ANKS1B: variants seen among roughly 807,000 people sequenced by gnomAD.
ANKS1B encodes the protein ankyrin repeat and sterile alpha motif domain containing 1B, also known as ankyrin repeat and sterile alpha motif domain-containing protein 1B.
In ANKS1B, 36 loss-of-function variants were observed where a neutral mutation model predicts 148.3. The observed-to-expected ratio is 0.24, with a 90% CI of 0.19 to 0.32. The LOEUF (loss-of-function observed/expected upper bound fraction) is 0.32. Among genes scored for constraint, ANKS1B ranks in the 10% least tolerant of loss-of-function variants. The probability of loss-of-function intolerance (pLI) is 1.00; values close to 1 mark genes in which losing one functional copy is unlikely to be tolerated. For synonymous variants in ANKS1B, 542 were observed against 560.8 expected (o/e 0.97, Z 0.47); for missense variants, 1,157 against 1,542.6 (o/e 0.75, Z 4.19).
chr12:99,464,715 A>G (rs2096065031), intron 10 of ANKS1B, among the ~76,000 whole-genome samples: 1 of 152,218 alleles, frequency 6.6e-6, no homozygotes, highest in Non-Finnish European at 1.5e-5. Context: ...AAATGAATGA[A>G]ATGAAGCCAG....
chr12:99,040,075 C>A (rs893211791), intron 17 of ANKS1B, among the ~76,000 whole-genome samples: 3 of 152,134 alleles, frequency 2.0e-5, no homozygotes, highest in African/African-American at 7.2e-5. Context: ...CACCTGGGGT[C>A]TGCTTATTTA....
At chr12:99,530,222 C>A (rs1473639365) in intron 9 of ANKS1B, among the ~76,000 whole-genome samples, 12 of 152,196 alleles carry the variant, frequency 7.9e-5, no homozygotes, top group African/African-American at 2.9e-4. Flanking sequence ...ATCAGTAAGG[C>A]TAGTGATGAA....
At chr12:99,681,694 C>T (rs1273386511) in intron 8 of ANKS1B, among the ~76,000 whole-genome samples, 3 of 152,156 alleles carry the variant, frequency 2.0e-5, no homozygotes, top group Non-Finnish European at 1.5e-5. Context: ...AATAGCAGCT[C>T]TTTAGCCCCA....
At chr12:98,889,344 T>C (rs540582984) in intron 17 of ANKS1B, among the ~76,000 whole-genome samples, 16 of 148,242 alleles carry the variant, frequency 1.1e-4, no homozygotes, top group Middle Eastern at 3.4e-3. Context: ...CGTCAGAACC[T>C]TTTTTATTTT....
intron 11 of ANKS1B, among the ~76,000 whole-genome samples, chr12:99,431,543 A>G (rs1013864612): frequency 2.0e-4 from 30 of 152,226 alleles, no homozygotes; most frequent in Non-Finnish European, 3.7e-4. Flanking sequence ...TGGTAGCGAA[A>G]GAAGGCTCTG....
chr12:99,014,561 G>T (rs1392668287), intron 17 of ANKS1B, among the ~76,000 whole-genome samples: 2 of 152,106 alleles, frequency 1.3e-5, no homozygotes, highest in Admixed American at 6.6e-5. Context: ...CACAGCAAAA[G>T]AAACTATCAA....
At position 99,211,711 on chromosome 12, in the gene ANKS1B, C is replaced by T. The variant is rs116957569; in HGVS notation, c.2419+32631G>A. Among the ~76,000 whole-genome samples the T allele has an allele frequency of 5.8e-3, 876 of 152,324 alleles. 4 individuals are homozygous for T. The highest frequency in any genetic ancestry group is 9.2e-3 in the Non-Finnish European group (627 of 68,038). ...TGTGAAACACAAGAATGATGTTGAA[C>T]ACATGACATCAAGTGGAGGGCAAGC... On this transcript the variant is annotated intron_variant, in intron 14 of 26. Coordinates refer to ENST00000683438, the MANE Select transcript of ANKS1B (RefSeq NM_001352186.2).
intron 17 of ANKS1B, among the ~76,000 whole-genome samples, chr12:98,905,914 A>C (rs2099778371): frequency 6.6e-6 from 1 of 152,172 alleles, no homozygotes; most frequent in South Asian, 2.1e-4. Context: ...CCCTGGGATA[A>C]GGTCTATGGT....
At chr12:98,882,261 G>T (rs867385549) in intron 17 of ANKS1B, among the ~76,000 whole-genome samples, 1 of 152,110 alleles carries the variant, frequency 6.6e-6, no homozygotes. Context: ...CAGATACAGG[G>T]CTACAGTGCT....
At chr12:99,719,160 G>A (rs2057790784) in intron 8 of ANKS1B, among the ~76,000 whole-genome samples, 2 of 152,282 alleles carry the variant, frequency 1.3e-5, no homozygotes, top group African/African-American at 2.4e-5. Flanking sequence ...GGCTGCCGCT[G>A]CTTTAATACT....
Position 98,744,277 on chromosome 12 carries a change from ATTTG to A in ANKS1B, c.*1458_*1461del, listed in dbSNP as rs951145836. The A allele has an allele frequency of 1.1e-6, 1 of 936,718 alleles. No homozygotes were observed. The highest frequency in any genetic ancestry group is 1.3e-6 in the Non-Finnish European group (1 of 785,396). 58.0% of individuals were successfully genotyped at this position (936,718 alleles called of 1,614,324 possible). On this transcript the variant is annotated 3_prime_UTR_variant, in exon 27 of 27. Coordinates refer to ENST00000683438, the MANE Select transcript of ANKS1B (RefSeq NM_001352186.2). ...TCAACACTGAACTAAAACCGTATAC[ATTTG>A]TTAGTTTGAAATAAAATGTAGTTAT...
intron 15 of ANKS1B, chr12:99,097,270 A>T (rs995544801): frequency 6.6e-6 from 1 of 152,146 alleles, no homozygotes; most frequent in African/African-American, 2.4e-5. Context: ...TGAAAGAAAG[A>T]TAAAGATGGA....
intron 15 of ANKS1B, among the ~76,000 whole-genome samples, chr12:99,117,248 G>A (rs929437068): frequency 1.3e-5 from 2 of 152,200 alleles, no homozygotes; most frequent in African/African-American, 4.8e-5. Flanking sequence ...GAATAGGAGT[G>A]GTGAGAGAGG....
intron 8 of ANKS1B, among the ~76,000 whole-genome samples, chr12:99,746,004 T>C (rs7957405): frequency 0.24 from 36,514 of 151,964 alleles, 4,630 homozygotes; most frequent in African/African-American, 0.29. Flanking sequence ...AATATGCTCT[T>C]AGATAAGCCT....
intron 4 of ANKS1B, among the ~76,000 whole-genome samples, chr12:99,796,650 A>T (rs1016591207): frequency 2.0e-5 from 3 of 151,992 alleles, no homozygotes; most frequent in Non-Finnish European, 4.4e-5. Flanking sequence ...TAATATGGTT[A>T]TTGGGAAGGT....
intron 17 of ANKS1B, among the ~76,000 whole-genome samples, chr12:99,026,354 C>A (rs144928157): frequency 1.5e-4 from 23 of 152,244 alleles, no homozygotes; most frequent in African/African-American, 5.3e-4. Flanking sequence ...TTCACACTTA[C>A]GCTGTTATTT....
intron 11 of ANKS1B, among the ~76,000 whole-genome samples, chr12:99,422,499 C>T (rs1315313738): frequency 6.6e-6 from 1 of 152,082 alleles, no homozygotes; most frequent in African/African-American, 2.4e-5. Context: ...CTTTCAGCTG[C>T]CACCTGAAGG....
chr12:99,640,596 C>A (rs10778001), intron 9 of ANKS1B, among the ~76,000 whole-genome samples: 15 of 152,052 alleles, frequency 9.9e-5, no homozygotes, highest in African/African-American at 3.6e-4. Flanking sequence ...TGCCAGCACC[C>A]TGATATTAGA....
intron 9 of ANKS1B, among the ~76,000 whole-genome samples, chr12:99,642,239 C>A (rs1033750789): frequency 3.3e-5 from 5 of 152,124 alleles, no homozygotes; most frequent in African/African-American, 1.2e-4. Context: ...AGCTGAAATG[C>A]ATTTTTCTGT....
Sources: gnomAD v4.1 joint callset for allele counts (sites outside exome capture counted in the v4.1 genomes callset) on GRCh38, gnomAD v4.1.1 for gene constraint, MANE v1.5 for transcripts, NCBI Gene and HGNC (gene_info 2026-07-23, HGNC 2026-07-21) for gene names.